PXDC1: variants seen among roughly 807,000 people sequenced by gnomAD.
PXDC1 encodes PX domain-containing protein 1.
Under a neutral mutation model 24.4 loss-of-function variants are expected in PXDC1, and 13 were observed. The observed-to-expected ratio is 0.53, with a 90% CI of 0.35 to 0.85. PXDC1 has a LOEUF of 0.85. Among genes scored for constraint, PXDC1 ranks in the 40% least tolerant of loss-of-function variants. The pLI is 0.01. For missense variants in PXDC1, 344 were observed against 309.3 expected, an observed-to-expected ratio of 1.11 and a Z score of -0.84; for synonymous variants, 162 against 124.9, an observed-to-expected ratio of 1.30 and a Z score of -1.98.
At chr6:3,731,570 C>A (rs1293711770) in intron 3 of PXDC1, among the ~76,000 whole-genome samples, 1 of 152,234 alleles carries the variant, frequency 6.6e-6, no homozygotes, top group Non-Finnish European at 1.5e-5. Context: ...GACATTGGCA[C>A]AATTCTGTTA....
intron 3 of PXDC1, among the ~76,000 whole-genome samples, chr6:3,736,397 C>T (rs1213251305): frequency 2.0e-5 from 3 of 152,152 alleles, no homozygotes; most frequent in East Asian, 1.9e-4. Context: ...CAGGCAAGAT[C>T]GCACACAACT....
At position 3,737,239 on chromosome 6, in the gene PXDC1, C is replaced by T. The variant is rs769756015; in HGVS notation, c.349-43G>A. On this transcript the variant is annotated intron_variant, in intron 2 of 4. Transcript: ENST00000380283. The surrounding 1 kb of genome is among the most constrained non-coding windows in gnomAD (Gnocchi z 5.5). Reference sequence around the variant, plus strand: ...GATTACTAAAAACGATCAGCCTCTACACGTTGGCCCTGTCTGTCTACCAAG... The same window carrying T: ...GATTACTAAAAACGATCAGCCTCTATACGTTGGCCCTGTCTGTCTACCAAG... 35 of 1,383,308 alleles carry T rather than the reference C, an allele frequency of 2.5e-5. No individual in the cohort carries two copies. The highest frequency in any genetic ancestry group is 4.6e-5 in the East Asian group (2 of 43,802). The allele number at this position is 1,383,308 out of a possible 1,614,324, so 85.7% of individuals were successfully genotyped here. A position where few individuals can be genotyped will look rare whatever the true frequency, so the allele number is the denominator to read the frequency against.
chr6:3,740,039 G>C (rs1760419191), intron 1 of PXDC1, among the ~76,000 whole-genome samples: 1 of 152,212 alleles, frequency 6.6e-6, no homozygotes, highest in Admixed American at 6.5e-5. Context: ...ATTACAGCTA[G>C]AATACTAGCT....
rs1760029029 is a variant in PXDC1, at chr6:3,725,059, G to T, written c.579-1323C>A. The stretch of plus-strand genomic sequence containing the variant: ...CCCTAGCTGTGGGTGGGAAAGCTAT[G>T]GGGGGCTCACGGAGACAGAGCAGCT... On this transcript the variant is annotated intron_variant, in intron 4 of 4. Coordinates refer to ENST00000380283, the MANE Select transcript of PXDC1 (RefSeq NM_183373.4). This position sits in a 1 kb window ranked among gnomAD's most constrained non-coding sequence, Gnocchi z 4.8. 6.6e-6 allele frequency among the ~76,000 whole-genome samples: 1 copy of T among 152,128 alleles called. No individual in the cohort carries two copies. Among genetic ancestry groups the T allele is most frequent in the Non-Finnish European group, 1.5e-5 (1 of 68,030 alleles).
intron 1 of PXDC1, among the ~76,000 whole-genome samples, chr6:3,744,990 G>A (rs1203044270): frequency 6.6e-6 from 1 of 152,218 alleles, no homozygotes; most frequent in Non-Finnish European, 1.5e-5. Flanking sequence ...GTGAGCCACC[G>A]CGGCAGCCAT....
In PXDC1 at chr6:3,751,457, G is replaced by C. The variant is rs377211810; in HGVS notation, c.75C>G (p.Arg25=). The change falls in exon 1 of 5, where the codon CGC becomes CGG. Residue 25 remains arginine, a synonymous_variant. Transcript: ENST00000380283. ...CGCCGCGCCGGCTGACGATGAGCCT[G>C]CGGATGCCGTTCACCCAGCAGCCGC... ...FVRGCWVNGI[R]RLIVSRRGDE... The C allele has an allele frequency of 6.2e-7, 1 of 1,602,352 alleles. No individual in the cohort carries two copies. Among genetic ancestry groups the C allele is most frequent in the Non-Finnish European group, 8.5e-7 (1 of 1,175,714 alleles).
intron 3 of PXDC1, among the ~76,000 whole-genome samples, chr6:3,732,206 ACT>A (rs1221249875): frequency 2.0e-5 from 3 of 152,012 alleles, no homozygotes; most frequent in Admixed American, 1.3e-4. Flanking sequence ...CACTTCAATA[ACT>A]CTATTCCTTT....
intron 1 of PXDC1, among the ~76,000 whole-genome samples, chr6:3,739,683 G>A (rs1023550282): frequency 2.6e-5 from 4 of 152,382 alleles, no homozygotes; most frequent in Non-Finnish European, 5.9e-5. Flanking sequence ...ACACGCCGGG[G>A]CAAGCAGGGT....
At position 3,727,590 on chromosome 6, in the gene PXDC1, C is replaced by T; in HGVS notation, c.539G>A (p.Gly180Glu). ...TIVIDHSIPNGRDQQLGVDPT... is the reference protein window; with the variant it reads ...TIVIDHSIPNERDQQLGVDPT... Reference sequence around the variant, plus strand: ...GTCCACGCCCAGCTGCTGGTCTCTTCCATTTGGTATACTGTGGTCAATAAC... The same window carrying T: ...GTCCACGCCCAGCTGCTGGTCTCTTTCATTTGGTATACTGTGGTCAATAAC... The change falls in exon 4 of 5, where the codon GGA becomes GAA. Residue 180 changes from glycine to glutamate, a missense_variant. By Grantham distance (98) the Gly-to-Glu change is moderately conservative (BLOSUM62 -2). Transcript: ENST00000380283. 6.2e-7 allele frequency: 1 copy of T among 1,613,490 alleles called. No individual in the cohort carries two copies. The highest frequency in any genetic ancestry group is 1.3e-5 in the African/African-American group (1 of 75,056).
intron 1 of PXDC1, among the ~76,000 whole-genome samples, chr6:3,741,258 C>A (rs1361949849): frequency 1.3e-5 from 2 of 152,242 alleles, no homozygotes; most frequent in Admixed American, 6.5e-5. Context: ...AACCACATTG[C>A]TTCCTTTCAC....
chr6:3,750,443 C>A (rs1414575429), intron 1 of PXDC1, among the ~76,000 whole-genome samples: 1 of 152,122 alleles, frequency 6.6e-6, no homozygotes, highest in Non-Finnish European at 1.5e-5. Flanking sequence ...CAGGCGGCCC[C>A]TCTCCTCGGC....
rs1306044467 is a variant in PXDC1 at position 3,751,532 on chromosome 6, G to C, written c.-1C>G. 1.3e-6 allele frequency: 2 copies of C among 1,573,250 alleles called. No individual in the cohort carries two copies. Among genetic ancestry groups the C allele is most frequent in the South Asian group, 2.3e-5 (2 of 86,360 alleles). On this transcript the variant is annotated 5_prime_UTR_variant, in exon 1 of 5. Coordinates refer to ENST00000380283, the MANE Select transcript of PXDC1 (RefSeq NM_183373.4). ...TGCCCTCAAACACCGCCGAGGCCATGTCGCACGCATGCCCCCGCCAAGGGC... is the reference window on the plus strand; with the variant it reads ...TGCCCTCAAACACCGCCGAGGCCATCTCGCACGCATGCCCCCGCCAAGGGC...
Position 3,737,981 on chromosome 6 carries a change from G to A in PXDC1, c.348+76C>T, listed in dbSNP as rs1760360137. The A allele has an allele frequency of 3.3e-6, 4 of 1,208,640 alleles. No individual in the cohort carries two copies. The highest frequency in any genetic ancestry group is 4.6e-5 in the East Asian group (2 of 43,024). The allele number at this position is 1,208,640 out of a possible 1,614,324, so 74.9% of individuals were successfully genotyped here. Reference sequence around the variant, plus strand: ...AGCAAGCAAGTCAACCCTCCGGGGGGATGGACGCCTTTCGCATTTGGGAGG... The same window carrying A: ...AGCAAGCAAGTCAACCCTCCGGGGGAATGGACGCCTTTCGCATTTGGGAGG... On this transcript the variant is annotated intron_variant, in intron 2 of 4. Transcript: ENST00000380283. The surrounding 1 kb of genome is among the most constrained non-coding windows in gnomAD (Gnocchi z 5.5).
At chr6:3,726,182 G>A (rs752307178) in intron 4 of PXDC1, among the ~76,000 whole-genome samples, 43 of 152,318 alleles carry the variant, frequency 2.8e-4, no homozygotes, top group Middle Eastern at 3.4e-3. Flanking sequence ...TGGTGATGAG[G>A]AAGGGTCTCC....
In PXDC1 at chr6:3,724,779, C is replaced by T. The variant is rs377496499; in HGVS notation, c.579-1043G>A. Among the ~76,000 whole-genome samples the T allele has an allele frequency of 2.6e-5, 4 of 152,212 alleles. No homozygotes were observed. The highest frequency in any genetic ancestry group is 5.9e-5 in the Non-Finnish European group (4 of 68,034). On this transcript the variant is annotated intron_variant, in intron 4 of 4. Coordinates refer to ENST00000380283, the MANE Select transcript of PXDC1 (RefSeq NM_183373.4). The surrounding 1 kb of genome is among the most constrained non-coding windows in gnomAD (Gnocchi z 4.5). Reference sequence around the variant, plus strand: ...TGACTGCACAGTCCAGGCCCCTGGCCGGACACACAACAAGGCAGGGCGAGC... The same window carrying T: ...TGACTGCACAGTCCAGGCCCCTGGCTGGACACACAACAAGGCAGGGCGAGC...
At chr6:3,741,829 C>T (rs1760455021) in intron 1 of PXDC1, among the ~76,000 whole-genome samples, 1 of 152,200 alleles carries the variant, frequency 6.6e-6, no homozygotes, top group Non-Finnish European at 1.5e-5. Context: ...TGCCAACGCT[C>T]CCATTTCCCT....
intron 1 of PXDC1, among the ~76,000 whole-genome samples, chr6:3,745,517 C>T (rs530123501): frequency 6.6e-6 from 1 of 152,332 alleles, no homozygotes; most frequent in Admixed American, 6.5e-5. Context: ...GTGGCAAAGC[C>T]AGCATCCAAT....
At chr6:3,734,218 C>T (rs1760266635) in intron 3 of PXDC1, among the ~76,000 whole-genome samples, 1 of 152,224 alleles carries the variant, frequency 6.6e-6, no homozygotes, top group Non-Finnish European at 1.5e-5. Context: ...TCATACACAT[C>T]GCTGATAGAG....
chr6:3,751,702 G>A lies in PXDC1; in HGVS notation c.-171C>T, dbSNP rs1760730456. 3.9e-6 allele frequency: 4 copies of A among 1,025,914 alleles called. No individual in the cohort carries two copies. The highest frequency in any genetic ancestry group is 3.7e-6 in the Non-Finnish European group (3 of 809,782). The allele number at this position is 1,025,914 out of a possible 1,614,324, so 63.6% of individuals were successfully genotyped here. A position where few individuals can be genotyped will look rare whatever the true frequency, so the allele number is the denominator to read the frequency against. On this transcript the variant is annotated 5_prime_UTR_variant, in exon 1 of 5. Coordinates refer to ENST00000380283, the MANE Select transcript of PXDC1 (RefSeq NM_183373.4). ...CCCGCGTTCGGGGCAGCGGGGCGGC[G>A]CGGCGGCGAGTGGCTCGGGCCGGCC...
Sources: allele counts gnomAD v4.1 joint callset (sites outside exome capture counted in the v4.1 genomes callset), GRCh38; gene constraint gnomAD v4.1.1; non-coding constraint Gnocchi (gnomAD v3.1); transcripts MANE v1.5; gene names NCBI Gene and HGNC (gene_info 2026-07-23, HGNC 2026-07-21).